The following ANKS1B variants were observed in gnomAD, a reference collection of about 807,000 sequenced individuals.
The protein encoded by ANKS1B is ankyrin repeat and sterile alpha motif domain-containing protein 1B.
A neutral mutation model predicts 148.3 loss-of-function variants in ANKS1B; 36 were observed. The ratio of observed to expected loss-of-function variants is 0.24; its 90% CI spans 0.19 to 0.32. ANKS1B has a LOEUF of 0.32. Ranked by LOEUF, ANKS1B falls within the 10% of genes least tolerant of loss-of-function variation. ANKS1B has a pLI of 1.00. For synonymous variants in ANKS1B, 542 were observed against 560.8 expected (o/e 0.97, Z 0.47); for missense variants, 1,157 against 1,542.6 (o/e 0.75, Z 4.19).
intron 1 of ANKS1B, among the ~76,000 whole-genome samples, chr12:99,832,027 T>C (rs1014141562): frequency 6.6e-6 from 1 of 152,132 alleles, no homozygotes; most frequent in Non-Finnish European, 1.5e-5. Flanking sequence ...TTTTCTACCA[T>C]CAGATGGGCA....
intron 9 of ANKS1B, among the ~76,000 whole-genome samples, chr12:99,600,337 T>C (rs1323867128): frequency 6.6e-6 from 1 of 152,028 alleles, no homozygotes; most frequent in African/African-American, 2.4e-5. Context: ...TCCTTAAAAC[T>C]TTTTCATCCC....
At chr12:99,689,126 C>T (rs2098665767) in intron 8 of ANKS1B, among the ~76,000 whole-genome samples, 1 of 152,150 alleles carries the variant, frequency 6.6e-6, no homozygotes, top group African/African-American at 2.4e-5. Context: ...TTGTAAATAT[C>T]CCCTATTTGA....
chr12:98,938,968 A>G (rs889092676), intron 17 of ANKS1B, among the ~76,000 whole-genome samples: 4 of 152,246 alleles, frequency 2.6e-5, no homozygotes, highest in African/African-American at 4.8e-5. Context: ...CATACAGGAT[A>G]ACAAAAAGGC....
chr12:99,214,096 G>A (rs988600556), intron 14 of ANKS1B, among the ~76,000 whole-genome samples: 1 of 151,078 alleles, frequency 6.6e-6, no homozygotes, highest in African/African-American at 2.4e-5. Context: ...ATTTTTTTAT[G>A]TGTGCCCAAG....
chr12:99,212,321 T>C (rs2083452873), intron 14 of ANKS1B, among the ~76,000 whole-genome samples: 1 of 151,550 alleles, frequency 6.6e-6, no homozygotes, highest in Non-Finnish European at 1.5e-5. Flanking sequence ...CTTCTATAAT[T>C]TTTTTCGTAC....
chr12:99,697,888 T>G (rs2054175767), intron 8 of ANKS1B, among the ~76,000 whole-genome samples: 1 of 152,092 alleles, frequency 6.6e-6, no homozygotes, highest in Admixed American at 6.6e-5. Flanking sequence ...AAACCTAAAT[T>G]TACTCTAAAA....
intron 17 of ANKS1B, among the ~76,000 whole-genome samples, chr12:99,025,342 C>T (rs2099948133): frequency 1.3e-5 from 2 of 152,172 alleles, no homozygotes; most frequent in East Asian, 3.8e-4. Flanking sequence ...AGAAATTCTT[C>T]ATGTGTTTTA....
chr12:99,651,967 CATATT>C (rs1176974987), intron 9 of ANKS1B, among the ~76,000 whole-genome samples: 4 of 151,052 alleles, frequency 2.6e-5, no homozygotes, highest in East Asian at 3.9e-4. Context: ...ATATGCTATA[CATATT>C]ATATTTTTAA....
chr12:99,379,763 T>A (rs2093558764), intron 12 of ANKS1B, among the ~76,000 whole-genome samples: 1 of 152,236 alleles, frequency 6.6e-6, no homozygotes, highest in Non-Finnish European at 1.5e-5. Context: ...CTTACGATAA[T>A]TTAATGACAA....
intron 9 of ANKS1B, among the ~76,000 whole-genome samples, chr12:99,623,228 C>CA (rs987041395): frequency 2.9e-4 from 44 of 151,654 alleles, no homozygotes; most frequent in African/African-American, 1.0e-3. Context: ...AAAAATCCAT[C>CA]AAAAAACTAG....
chr12:99,077,814 GA>G (rs2048347392), intron 16 of ANKS1B, among the ~76,000 whole-genome samples: 1 of 152,138 alleles, frequency 6.6e-6, no homozygotes, highest in African/African-American at 2.4e-5. Flanking sequence ...TTAAAATTCA[GA>G]TGTAACTTCT....
At chr12:99,943,708 A>AAC (rs1254928016) in intron 1 of ANKS1B, among the ~76,000 whole-genome samples, 1 of 152,046 alleles carries the variant, frequency 6.6e-6, no homozygotes, top group Non-Finnish European at 1.5e-5. Context: ...TCCCTGCCAC[A>AAC]ACATGCGGGG....
intron 17 of ANKS1B, among the ~76,000 whole-genome samples, chr12:98,957,333 A>G (rs1191234077): frequency 4.1e-5 from 6 of 146,874 alleles, no homozygotes; most frequent in African/African-American, 1.5e-4. Flanking sequence ...TTATTTATTT[A>G]TTTATTTATT....
chr12:99,457,829 C>T (rs989718050), intron 10 of ANKS1B, among the ~76,000 whole-genome samples: 4 of 151,948 alleles, frequency 2.6e-5, no homozygotes, highest in Non-Finnish European at 5.9e-5. Context: ...CAATAATAGT[C>T]GGGGACTTCA....
Position 99,199,652 on chromosome 12 carries a change from T to A in ANKS1B, c.2419+44690A>T, listed in dbSNP as rs77206135. ...AGAAAATGAGAAAGACATGACACAC[T>A]GTAACTCTCCTCCTTATAAGGCTCA... On this transcript the variant is annotated intron_variant, in intron 14 of 26. Transcript: ENST00000683438. 4.4e-3 allele frequency among the ~76,000 whole-genome samples: 676 copies of A among 152,246 alleles called. 26 individuals are homozygous for A. In the East Asian group the frequency reaches 0.088, roughly 20 times the overall value.
intron 1 of ANKS1B, among the ~76,000 whole-genome samples, chr12:99,982,151 T>A (rs2095711489): frequency 6.6e-6 from 1 of 152,108 alleles, no homozygotes; most frequent in Non-Finnish European, 1.5e-5. Context: ...AATAAACACA[T>A]GTTGTTTACT....
intron 9 of ANKS1B, among the ~76,000 whole-genome samples, chr12:99,603,547 C>T (rs1307416368): frequency 6.6e-6 from 1 of 151,972 alleles, no homozygotes; most frequent in Non-Finnish European, 1.5e-5. Flanking sequence ...GATAACATAG[C>T]CAGTGTTTCC....
At chr12:98,851,457 G>A (rs2099525381) in intron 17 of ANKS1B, among the ~76,000 whole-genome samples, 1 of 152,144 alleles carries the variant, frequency 6.6e-6, no homozygotes, top group Non-Finnish European at 1.5e-5. Context: ...TCAGACGTGT[G>A]CAAGGACACA....
chr12:98,876,300 C>T (rs746679690), intron 17 of ANKS1B, among the ~76,000 whole-genome samples: 4 of 152,212 alleles, frequency 2.6e-5, no homozygotes, highest in Non-Finnish European at 2.9e-5. Context: ...GCCCTTTACC[C>T]TCAACCCTTT....
Sources: allele counts gnomAD v4.1 joint callset (sites outside exome capture counted in the v4.1 genomes callset), GRCh38; gene constraint gnomAD v4.1.1; transcripts MANE v1.5; gene names NCBI Gene and HGNC (gene_info 2026-07-23, HGNC 2026-07-21).